The following GAS7 variants were observed in gnomAD, a reference collection of about 807,000 sequenced individuals.
GAS7 encodes the protein growth arrest-specific protein 7.
In GAS7, 28 loss-of-function variants were observed where a neutral mutation model predicts 71.1. The ratio of observed to expected loss-of-function variants is 0.39; its 90% CI spans 0.29 to 0.54. The LOEUF is 0.54. GAS7 is among the 20% of genes least tolerant of loss of function. The probability of loss-of-function intolerance (pLI) is 0.62; values close to 1 mark genes in which losing one functional copy is unlikely to be tolerated. For synonymous variants in GAS7, 258 were observed against 245.8 expected (o/e 1.05, Z -0.46); for missense variants, 436 against 627.8 (o/e 0.69, Z 3.27).
chr17:9,971,469 G>A (rs1209758561), intron 3 of GAS7, among the ~76,000 whole-genome samples: 1 of 152,096 alleles, frequency 6.6e-6, no homozygotes, highest in Non-Finnish European at 1.5e-5. Flanking sequence ...GGAGGCTGAG[G>A]TGGGAGGATA....
chr17:10,078,879 A>C (rs2073425456), intron 1 of GAS7, among the ~76,000 whole-genome samples: 1 of 152,152 alleles, frequency 6.6e-6, no homozygotes, highest in African/African-American at 2.4e-5. Flanking sequence ...CAAAACCTCT[A>C]TCTCTACAAA....
At position 9,914,111 on chromosome 17, in the gene GAS7, C is replaced by T. The variant is rs568455649; in HGVS notation, c.*3117G>A. 35 of 227,702 alleles carry T rather than the reference C, an allele frequency of 1.5e-4. 1 individual carries two copies. In the East Asian group the frequency reaches 1.7e-3, roughly 11 times the overall value. The allele number at this position is 227,702 out of a possible 1,614,324, so 14.1% of individuals were successfully genotyped here. The stretch of plus-strand genomic sequence containing the variant: ...AACCTTGATTTCAACCAGAAACGGG[C>T]CCCTGTTCATACGGATAGGGGTTCT... On this transcript the variant is annotated 3_prime_UTR_variant, in exon 14 of 14. Transcript: ENST00000432992.
Position 10,068,473 on chromosome 17 carries a change from T to C in GAS7, c.184-48576A>G, listed in dbSNP as rs147820289. Among the ~76,000 whole-genome samples the C allele has an allele frequency of 1.8e-3, 276 of 152,146 alleles. 2 individuals carry two copies. Among genetic ancestry groups the C allele is most frequent in the African/African-American group, 6.5e-3 (269 of 41,494 alleles). On this transcript the variant is annotated intron_variant, in intron 1 of 13. Transcript: ENST00000432992. ...ATGTTTTACTTCTGGTAAAGACTTA[T>C]GGCCAGACACAGTAGCTCACACCTG...
intron 2 of GAS7, among the ~76,000 whole-genome samples, chr17:10,004,231 C>T (rs3786075): frequency 2.6e-5 from 4 of 152,172 alleles, no homozygotes; most frequent in Non-Finnish European, 5.9e-5. Context: ...ACACCACCCC[C>T]GCAAGAAGCC....
At chr17:9,938,999 T>C (rs181211706) in intron 8 of GAS7, among the ~76,000 whole-genome samples, 1 of 152,326 alleles carries the variant, frequency 6.6e-6, no homozygotes, top group East Asian at 1.9e-4. Context: ...TATCCATGGG[T>C]ATCCATTGTG....
At position 9,919,756 on chromosome 17, in the gene GAS7, C is replaced by T. The variant is rs1198900394; in HGVS notation, c.1139-51G>A. The T allele has an allele frequency of 7.6e-7, 1 of 1,320,484 alleles. No homozygotes were observed. Among genetic ancestry groups the T allele is most frequent in the South Asian group, 1.2e-5 (1 of 85,312 alleles). 81.8% of individuals were successfully genotyped at this position (1,320,484 alleles called of 1,614,324 possible). ...ATGAAGCATCCTATCCTCACCATGA[C>T]TCTGTGCCCCACCCTGAGCCCCACA... On this transcript the variant is annotated intron_variant, in intron 11 of 13. Coordinates refer to ENST00000432992, the MANE Select transcript of GAS7 (RefSeq NM_201433.2). The surrounding 1 kb of genome is among the most constrained non-coding windows in gnomAD (Gnocchi z 5.0).
chr17:9,961,221 T>G (rs73974350), intron 4 of GAS7, among the ~76,000 whole-genome samples: 152 of 152,284 alleles, frequency 1.0e-3, no homozygotes, highest in African/African-American at 3.5e-3. Flanking sequence ...ACAGCTTCCA[T>G]AGACATTTTT....
rs182118547 is a variant in GAS7 at position 10,105,793 on chromosome 17, T to A, written c.184-85896A>T. On this transcript the variant is annotated intron_variant, in intron 1 of 13. Coordinates refer to ENST00000432992, the MANE Select transcript of GAS7 (RefSeq NM_201433.2). Reference sequence around the variant, plus strand: ...CGTCTGTCAGCTTATTCCCCAACTCTACCCCACCTCTCCACCCCAAAGTAT... The same window carrying A: ...CGTCTGTCAGCTTATTCCCCAACTCAACCCCACCTCTCCACCCCAAAGTAT... Among the ~76,000 whole-genome samples the A allele has an allele frequency of 2.0e-5, 3 of 152,246 alleles. No homozygotes were observed. In the East Asian group the frequency reaches 5.8e-4, roughly 29 times the overall value.
chr17:9,955,076 CT>C (rs148880563), intron 5 of GAS7, among the ~76,000 whole-genome samples: 5,381 of 152,310 alleles, frequency 0.035, 139 homozygotes, highest in African/African-American at 0.062. Context: ...CCAGAACCAG[CT>C]TCCTAATTCC....
intron 2 of GAS7, among the ~76,000 whole-genome samples, chr17:10,005,135 G>GCGCGCGCACGCA (rs2071437062): frequency 2.0e-5 from 3 of 150,090 alleles, no homozygotes; most frequent in African/African-American, 7.4e-5. Flanking sequence ...ACCAGCATGT[G>GCGCGCGCACGCA]TGCGCGCACG....
chr17:10,089,171 A>T (rs2073553857), intron 1 of GAS7, among the ~76,000 whole-genome samples: 1 of 152,130 alleles, frequency 6.6e-6, no homozygotes, highest in South Asian at 2.1e-4. Flanking sequence ...AAAAAGAAAA[A>T]AAAGAAAGAA....
chr17:10,033,273 C>T (rs1366339296), intron 1 of GAS7, among the ~76,000 whole-genome samples: 1 of 152,058 alleles, frequency 6.6e-6, no homozygotes, highest in Non-Finnish European at 1.5e-5. Context: ...GGTCAACTTC[C>T]CTTTGCAGCA....
intron 2 of GAS7, among the ~76,000 whole-genome samples, chr17:10,006,992 G>A (rs943448396): frequency 4.6e-5 from 7 of 152,094 alleles, no homozygotes; most frequent in South Asian, 2.1e-4. Context: ...TTGGGGCTAC[G>A]ATACATGTTT....
At chr17:10,101,572 A>C (rs934633085) in intron 1 of GAS7, among the ~76,000 whole-genome samples, 2 of 152,234 alleles carry the variant, frequency 1.3e-5, no homozygotes, top group Non-Finnish European at 2.9e-5. Context: ...CGGTACCTAC[A>C]GCCACACGCC....
intron 2 of GAS7, among the ~76,000 whole-genome samples, chr17:9,997,059 A>G (rs764821280): frequency 1.3e-5 from 2 of 152,194 alleles, no homozygotes; most frequent in Non-Finnish European, 2.9e-5. Flanking sequence ...GACCAGAAAC[A>G]GACTCAGCCA....
chr17:10,119,568 C>T (rs987597421), intron 1 of GAS7, among the ~76,000 whole-genome samples: 8 of 152,198 alleles, frequency 5.3e-5, no homozygotes, highest in Non-Finnish European at 1.2e-4. Flanking sequence ...CCAAGGCCCA[C>T]TTCTCTCCTC....
rs2074083608 is a variant in GAS7, at chr17:10,141,847, A to G, written c.183+56361T>C. Among the ~76,000 whole-genome samples the G allele has an allele frequency of 3.9e-5, 6 of 152,222 alleles. No individual in the cohort carries two copies. In the South Asian group the frequency reaches 1.2e-3, roughly 31 times the overall value. The stretch of plus-strand genomic sequence containing the variant: ...TATAATAAATGTTATTTTTGTTAAG[A>G]TTAACACTTTTCAGAATAACTCTGT... On this transcript the variant is annotated intron_variant, in intron 1 of 13. Coordinates refer to ENST00000432992, the MANE Select transcript of GAS7 (RefSeq NM_201433.2).
chr17:9,943,348 A>G lies in GAS7; in HGVS notation c.616-112T>C, dbSNP rs371267480. Reference sequence around the variant, plus strand: ...ATGTGCCTGGCAATCCCAGTCCAGCACAAGACGCGGGAGCAGCTGTCTCTG... The same window carrying G: ...ATGTGCCTGGCAATCCCAGTCCAGCGCAAGACGCGGGAGCAGCTGTCTCTG... On this transcript the variant is annotated intron_variant, in intron 6 of 13. Coordinates refer to ENST00000432992, the MANE Select transcript of GAS7 (RefSeq NM_201433.2). 4.0e-4 allele frequency: 284 copies of G among 702,860 alleles called. 3 individuals carry two copies. The African/African-American group carries it at 4.6e-3, about 11-fold the overall frequency. 43.5% of individuals were successfully genotyped at this position (702,860 alleles called of 1,614,324 possible).
intron 1 of GAS7, among the ~76,000 whole-genome samples, chr17:10,053,244 C>A (rs908939404): frequency 2.0e-5 from 3 of 152,180 alleles, no homozygotes; most frequent in Non-Finnish European, 4.4e-5. Flanking sequence ...AAAAGATCAA[C>A]AACGGCTTCG....
Sources: allele counts gnomAD v4.1 joint callset (sites outside exome capture counted in the v4.1 genomes callset), GRCh38; gene constraint gnomAD v4.1.1; non-coding constraint Gnocchi (gnomAD v3.1); transcripts MANE v1.5; gene names NCBI Gene and HGNC (gene_info 2026-07-23, HGNC 2026-07-21).